The following NRXN1 variants were observed in gnomAD, a reference collection of about 807,000 sequenced individuals.
The protein encoded by NRXN1 is neurexin 1.
Under a neutral mutation model 150.9 loss-of-function variants are expected in NRXN1, and 39 were observed. The ratio of observed to expected loss-of-function variants is 0.26; its 90% CI spans 0.20 to 0.34. The LOEUF (loss-of-function observed/expected upper bound fraction) is 0.34. NRXN1 is among the 10% of genes least tolerant of loss of function. The probability of loss-of-function intolerance (pLI) is 1.00; values close to 1 mark genes in which losing one functional copy is unlikely to be tolerated. For synonymous variants in NRXN1, 924 were observed against 757.0 expected (o/e 1.22, Z -3.62); for missense variants, 1,815 against 1,949.9 (o/e 0.93, Z 1.30).
intron 21 of NRXN1, among the ~76,000 whole-genome samples, chr2:49,987,485 C>T (rs1558641175): frequency 1.3e-5 from 2 of 151,920 alleles, no homozygotes; most frequent in African/African-American, 2.4e-5. Context: ...TTGAAATTTT[C>T]CTGATGGAGA....
At chr2:50,878,721 T>G (rs1429925585) in intron 5 of NRXN1, among the ~76,000 whole-genome samples, 1 of 151,946 alleles carries the variant, frequency 6.6e-6, no homozygotes, top group Non-Finnish European at 1.5e-5. Flanking sequence ...GACGAGATTG[T>G]TCCACAGAAC....
chr2:50,038,769 C>T (rs1166629255), intron 21 of NRXN1, among the ~76,000 whole-genome samples: 7 of 139,260 alleles, frequency 5.0e-5, no homozygotes, highest in African/African-American at 2.0e-4. Flanking sequence ...CTCCCTCCCT[C>T]CTTTCCTTCC....
At chr2:50,094,335 C>G (rs974336634) in intron 18 of NRXN1, among the ~76,000 whole-genome samples, 19 of 152,048 alleles carry the variant, frequency 1.2e-4, no homozygotes, top group Non-Finnish European at 2.8e-4. Flanking sequence ...CAGAAAAAGG[C>G]AAGAGGAGAC....
intron 2 of NRXN1, among the ~76,000 whole-genome samples, chr2:51,017,286 T>C (rs1460617732): frequency 5.9e-5 from 9 of 151,382 alleles, no homozygotes; most frequent in Non-Finnish European, 8.8e-5. Flanking sequence ...AAAGCAAATA[T>C]GTGTATAGGT....
In NRXN1 at chr2:50,273,917, T is replaced by C. The variant is rs368112108; in HGVS notation, c.3365-36947A>G. On this transcript the variant is annotated intron_variant, in intron 17 of 22. Transcript: ENST00000401669. ...ATGTGTAGAAATGGGAAGGCTTTTA[T>C]ACTGTTGGTGGGAGTGTAAATTAGT... 1.5e-4 allele frequency among the ~76,000 whole-genome samples: 23 copies of C among 152,226 alleles called. No individual in the cohort carries two copies. The South Asian group carries it at 4.4e-3, about 29-fold the overall frequency.
chr2:50,713,228 G>T (rs1323524129), intron 5 of NRXN1, among the ~76,000 whole-genome samples: 1 of 151,404 alleles, frequency 6.6e-6, no homozygotes, highest in East Asian at 2.0e-4. Context: ...GCACTGGAAT[G>T]ACTTGAACCT....
At chr2:51,025,352 A>AATGG (rs1272318570) in intron 2 of NRXN1, among the ~76,000 whole-genome samples, 1 of 152,164 alleles carries the variant, frequency 6.6e-6, no homozygotes, top group Non-Finnish European at 1.5e-5. Context: ...CCATTTGCAA[A>AATGG]ATAAAATGCA....
intron 2 of NRXN1, among the ~76,000 whole-genome samples, chr2:51,021,878 G>A (rs1395304732): frequency 2.0e-5 from 3 of 152,026 alleles, no homozygotes; most frequent in African/African-American, 4.8e-5. Context: ...ATTAGTTTAT[G>A]TGGAAAGTGA....
chr2:50,191,051 C>A (rs931931038), intron 18 of NRXN1, among the ~76,000 whole-genome samples: 1 of 151,424 alleles, frequency 6.6e-6, no homozygotes, highest in African/African-American at 2.4e-5. Flanking sequence ...TTCTTTGAGA[C>A]GGAGTCTCAC....
intron 21 of NRXN1, among the ~76,000 whole-genome samples, chr2:49,958,040 G>A (rs934426180): frequency 1.3e-5 from 2 of 152,104 alleles, no homozygotes; most frequent in Non-Finnish European, 2.9e-5. Flanking sequence ...GAATGATGCC[G>A]TCACTCACAG....
intron 2 of NRXN1, among the ~76,000 whole-genome samples, chr2:51,019,905 G>A (rs1405843686): frequency 6.6e-6 from 1 of 151,818 alleles, no homozygotes; most frequent in African/African-American, 2.4e-5. Context: ...CTGCTCTCTG[G>A]AATACTCCTT....
intron 21 of NRXN1, among the ~76,000 whole-genome samples, chr2:50,033,725 G>A (rs1038918375): frequency 1.6e-4 from 24 of 151,600 alleles, no homozygotes; most frequent in African/African-American, 4.6e-4. Context: ...TGCAAACTAC[G>A]CAGCTGACAA....
At chr2:50,667,721 C>T (rs1433090410) in intron 5 of NRXN1, among the ~76,000 whole-genome samples, 1 of 151,882 alleles carries the variant, frequency 6.6e-6, no homozygotes, top group Non-Finnish European at 1.5e-5. Flanking sequence ...ATACTGTATC[C>T]CTTCTTATCT....
intron 9 of NRXN1, among the ~76,000 whole-genome samples, chr2:50,542,103 GA>G (rs1449940152): frequency 3.9e-5 from 6 of 152,084 alleles, no homozygotes; most frequent in Admixed American, 1.3e-4. Context: ...CCAACATGGA[GA>G]AACCCCATCT....
At chr2:50,178,402 A>G (rs930335586) in intron 18 of NRXN1, among the ~76,000 whole-genome samples, 1 of 152,130 alleles carries the variant, frequency 6.6e-6, no homozygotes, top group South Asian at 2.1e-4. Flanking sequence ...TCCATGATAA[A>G]TGTCTTCTTC....
intron 2 of NRXN1, among the ~76,000 whole-genome samples, chr2:51,003,638 A>G (rs1437341605): frequency 1.3e-5 from 2 of 152,030 alleles, no homozygotes; most frequent in African/African-American, 2.4e-5. Context: ...TAGATGCACT[A>G]CATGTATGTA....
At chr2:50,321,306 T>C (rs1335836862) in intron 17 of NRXN1, among the ~76,000 whole-genome samples, 1 of 152,184 alleles carries the variant, frequency 6.6e-6, no homozygotes, top group African/African-American at 2.4e-5. Flanking sequence ...ATTGTCTGTA[T>C]TCCTAAATCT....
At chr2:50,209,897 A>G (rs1447302142) in intron 18 of NRXN1, among the ~76,000 whole-genome samples, 7 of 152,018 alleles carry the variant, frequency 4.6e-5, no homozygotes, top group African/African-American at 7.2e-5. Flanking sequence ...ATATTTATTA[A>G]TGAAGTATTA....
intron 17 of NRXN1, among the ~76,000 whole-genome samples, chr2:50,327,581 C>T (rs935767539): frequency 6.6e-6 from 1 of 152,078 alleles, no homozygotes; most frequent in Admixed American, 6.6e-5. Context: ...AGAAAACCTT[C>T]ATCATGCTTC....
Sources: gnomAD v4.1 joint callset for allele counts (sites outside exome capture counted in the v4.1 genomes callset) on GRCh38, gnomAD v4.1.1 for gene constraint, MANE v1.5 for transcripts, NCBI Gene and HGNC (gene_info 2026-07-23, HGNC 2026-07-21) for gene names.